KCNMB3: variants seen among roughly 807,000 people sequenced by gnomAD.
KCNMB3 encodes potassium calcium-activated channel subfamily M regulatory beta subunit 3, also known as calcium-activated potassium channel subunit beta-3.
In KCNMB3, 18 loss-of-function variants were observed where a neutral mutation model predicts 11.9. That is an observed-to-expected ratio of 1.51 (90% confidence interval 1.04 to 2.23). The LOEUF (loss-of-function observed/expected upper bound fraction) is 2.23. Among genes scored for constraint, KCNMB3 ranks in the 30% most tolerant of loss-of-function variants. KCNMB3 has a pLI of 0.00. For synonymous variants in KCNMB3, 78 were observed against 119.2 expected, an observed-to-expected ratio of 0.65 and a Z score of 2.25; for missense variants, 247 against 329.4, an observed-to-expected ratio of 0.75 and a Z score of 1.94.
chr3:179,262,477 A>G (rs1355620061), intron 1 of KCNMB3, among the ~76,000 whole-genome samples: 1 of 152,234 alleles, frequency 6.6e-6, no homozygotes, highest in South Asian at 2.1e-4. Context: ...TCATAAAGGC[A>G]GCGTGGACCC....
chr3:179,245,568 C>T (rs1408694058), intron 1 of KCNMB3, among the ~76,000 whole-genome samples: 1 of 151,854 alleles, frequency 6.6e-6, no homozygotes, highest in African/African-American at 2.4e-5. Context: ...GGTGCAATCT[C>T]GGCTCACTGC....
intron 1 of KCNMB3, chr3:179,259,684 G>A (rs1475903607): frequency 1.2e-6 from 2 of 1,602,238 alleles, no homozygotes; most frequent in African/African-American, 1.4e-5. Flanking sequence ...ACATCTTTAA[G>A]GGTTTCTATG....
In KCNMB3 at chr3:179,243,158, A is replaced by G. The variant is rs1332640229; in HGVS notation, c.574T>C (p.Ser192Pro). Residue 192 changes from serine (S) to proline (P), a missense_variant, in exon 3 of 3, where the codon TCT (serine) becomes CCT (proline). Around this residue, in one of 2 missense-constraint regions of KCNMB3, gnomAD observed 87 missense variants for 171.9 expected, o/e 0.51. Coordinates refer to ENST00000392685, the MANE Select transcript of KCNMB3 (RefSeq NM_171830.2). ...FSCFYSPASQ[S>P]EDVILIKKYD... is the part of the protein sequence containing the mutation. ...TTTTTTATAAGAATGACATCTTCAG[A>G]TTGGCTGGCTGGACTGTAGAAGCAT... 3 of 1,523,534 alleles carry G rather than the reference A, an allele frequency of 2.0e-6. No homozygotes were observed. The allele number at this position is 1,523,534 out of a possible 1,614,324, so 94.4% of individuals were successfully genotyped here.
At chr3:179,248,840 T>C (rs1725734819) in intron 1 of KCNMB3, among the ~76,000 whole-genome samples, 1 of 151,892 alleles carries the variant, frequency 6.6e-6, no homozygotes, top group African/African-American at 2.4e-5. Flanking sequence ...ATATACTGAA[T>C]TCTTACAATA....
chr3:179,240,954 T>G (rs1198867053), downstream of KCNMB3: 2 of 152,156 alleles, frequency 1.3e-5, no homozygotes, highest in African/African-American at 4.8e-5. Flanking sequence ...TACAGAGAAG[T>G]CTTTGGTATA....
At chr3:179,246,957 T>G (rs957228579) in intron 1 of KCNMB3, among the ~76,000 whole-genome samples, 2 of 152,144 alleles carry the variant, frequency 1.3e-5, no homozygotes, top group Non-Finnish European at 2.9e-5. Context: ...GCTACAGCTG[T>G]GACAAAATCC....
At chr3:179,252,370 G>A (rs999678319), upstream of KCNMB3, among the ~76,000 whole-genome samples, 3 of 152,170 alleles carry the variant, frequency 2.0e-5, no homozygotes, top group East Asian at 5.8e-4. Flanking sequence ...AAAGCTTACT[G>A]CATTTTAAAG....
intron 1 of KCNMB3, chr3:179,261,215 T>G: frequency 2.2e-6 from 3 of 1,360,738 alleles, no homozygotes; most frequent in East Asian, 2.6e-5. Context: ...CGCCAGCCTC[T>G]GCGCTTCCGC....
chr3:179,259,072 T>C (rs1726116059), intron 1 of KCNMB3: 1 of 1,608,988 alleles, frequency 6.2e-7, no homozygotes, highest in African/African-American at 1.3e-5. Flanking sequence ...CCTCCTCTGG[T>C]ATCTTCTCTG....
At chr3:179,249,910 A>G (rs909194970) in intron 1 of KCNMB3, among the ~76,000 whole-genome samples, 2 of 152,146 alleles carry the variant, frequency 1.3e-5, no homozygotes, top group Non-Finnish European at 2.9e-5. Flanking sequence ...GAGCATCAGG[A>G]AGAATAGCTA....
At chr3:179,260,001 G>C in intron 1 of KCNMB3, 21 of 1,612,638 alleles carry the variant, frequency 1.3e-5, no homozygotes, top group Non-Finnish European at 1.8e-5. Flanking sequence ...GGGCTCAGCT[G>C]CTTCCTGGTT....
intron 1 of KCNMB3, among the ~76,000 whole-genome samples, chr3:179,246,459 C>A (rs1216790533): frequency 2.6e-5 from 4 of 152,030 alleles, no homozygotes; most frequent in Non-Finnish European, 4.4e-5. Context: ...TAGCTAGGTT[C>A]ATAATGCACT....
intron 1 of KCNMB3, chr3:179,260,404 C>T (rs1726165314): frequency 1.2e-5 from 20 of 1,613,798 alleles, no homozygotes; most frequent in Non-Finnish European, 1.6e-5. Context: ...TTCTGGTCCT[C>T]GGTATTCTCA....
chr3:179,259,380 G>A (rs921616151), intron 1 of KCNMB3: 13 of 1,577,448 alleles, frequency 8.2e-6, no homozygotes, highest in African/African-American at 1.4e-5. Context: ...ACCAGCCCTC[G>A]GGCCTGATGA....
At chr3:179,251,134 T>C (rs1725830142), upstream of KCNMB3, 1 of 1,614,034 alleles carries the variant, frequency 6.2e-7, no homozygotes, top group Non-Finnish European at 8.5e-7. Context: ...TGTAATCAAG[T>C]ATTTTTAAAG....
chr3:179,254,304 A>G (rs1226497269), upstream of KCNMB3, among the ~76,000 whole-genome samples: 3 of 152,222 alleles, frequency 2.0e-5, no homozygotes, highest in Non-Finnish European at 4.4e-5. Flanking sequence ...ACTGACTAAA[A>G]GAGGAAAACT....
rs1726138166 is a variant in KCNMB3, at chr3:179,259,691, T to C, written c.62+6958A>G. On this transcript the variant is annotated intron_variant, in intron 1 of 3. Coordinates refer to the KCNMB3 transcript ENST00000349697. The stretch of plus-strand genomic sequence containing the variant: ...CTTTTTAAACATCTTTAAGGGTTTC[T>C]ATGGGTACTGGGGATTTTTTCCTCT... 14 of 1,603,358 alleles carry C rather than the reference T, an allele frequency of 8.7e-6. No homozygotes were observed. In the South Asian group the frequency reaches 1.6e-4, roughly 18 times the overall value.
intron 1 of KCNMB3, among the ~76,000 whole-genome samples, chr3:179,246,671 C>A (rs76892671): frequency 9.2e-5 from 14 of 152,114 alleles, no homozygotes; most frequent in African/African-American, 3.1e-4. Flanking sequence ...TGCTTTTTCA[C>A]TAAATTAATT....
chr3:179,246,624 C>T (rs558673867), intron 1 of KCNMB3, among the ~76,000 whole-genome samples: 12 of 152,106 alleles, frequency 7.9e-5, no homozygotes, highest in East Asian at 1.9e-4. Context: ...AATACAAAAG[C>T]GGAAAATAAG....
Sources: gnomAD v4.1 joint callset for allele counts (sites outside exome capture counted in the v4.1 genomes callset) on GRCh38, gnomAD v4.1.1 for gene constraint, gnomAD v4.1.1 regional missense constraint, MANE v1.5 for transcripts, NCBI Gene and HGNC (gene_info 2026-07-23, HGNC 2026-07-21) for gene names.